Variants in ATP8A2 observed in about 807,000 individuals in gnomAD.
The protein encoded by ATP8A2 is ATPase phospholipid transporting 8A2.
ATP8A2 carries 100 observed loss-of-function variants against 165.6 expected under a neutral mutation model. The ratio of observed to expected loss-of-function variants is 0.60; its 90% confidence interval spans 0.51 to 0.71. The LOEUF (loss-of-function observed/expected upper bound fraction) is 0.71, where lower values mean the gene tolerates loss of function less well. Ranked by LOEUF, ATP8A2 falls within the 30% of genes least tolerant of loss-of-function variation. The pLI is 0.00. For missense variants in ATP8A2, 1,227 were observed against 1,479.5 expected (o/e 0.83, Z 2.80); for synonymous variants, 543 against 548.8 (o/e 0.99, Z 0.15).
intron 21 of ATP8A2, among the ~76,000 whole-genome samples, chr13:25,579,513 A>T (rs919289790): frequency 6.6e-6 from 1 of 152,082 alleles, no homozygotes. Context: ...CTGCTTGCTG[A>T]AACCTGTTTA....
At chr13:25,719,533 A>G (rs903194416) in intron 25 of ATP8A2, among the ~76,000 whole-genome samples, 11 of 152,154 alleles carry the variant, frequency 7.2e-5, no homozygotes, top group African/African-American at 2.7e-4. Flanking sequence ...ACTTGCAGCA[A>G]GCATTCCCAG....
chr13:25,678,499 A>G (rs974184672), intron 24 of ATP8A2, among the ~76,000 whole-genome samples: 5 of 150,670 alleles, frequency 3.3e-5, no homozygotes, highest in Admixed American at 1.3e-4. Context: ...ACTTTTCAAT[A>G]GTGCTGCCTG....
At chr13:25,393,365 A>T (rs2033314481) in intron 1 of ATP8A2, among the ~76,000 whole-genome samples, 2 of 151,972 alleles carry the variant, frequency 1.3e-5, no homozygotes, top group South Asian at 4.1e-4. Context: ...CTCCTGGCTA[A>T]GTACTGGGAT....
At chr13:25,817,688 T>C (rs1348418822) in intron 27 of ATP8A2, among the ~76,000 whole-genome samples, 1 of 152,130 alleles carries the variant, frequency 6.6e-6, no homozygotes, top group Non-Finnish European at 1.5e-5. Context: ...TCTTTTTCTT[T>C]TTTTTTGTTT....
intron 24 of ATP8A2, among the ~76,000 whole-genome samples, chr13:25,645,375 A>G (rs557967500): frequency 7.2e-5 from 11 of 152,324 alleles, no homozygotes; most frequent in African/African-American, 2.6e-4. Flanking sequence ...GGGAGATACA[A>G]TTCAAGATGA....
At chr13:25,543,837 A>G (rs1395754789) in intron 10 of ATP8A2, among the ~76,000 whole-genome samples, 1 of 152,246 alleles carries the variant, frequency 6.6e-6, no homozygotes, top group Non-Finnish European at 1.5e-5. Context: ...GAAAAAAATG[A>G]AGTTAAAATG....
chr13:25,976,788 GT>G (rs142892289), intron 35 of ATP8A2, among the ~76,000 whole-genome samples: 3,160 of 151,890 alleles, frequency 0.021, 119 homozygotes, highest in African/African-American at 0.072. Flanking sequence ...CATTTTGTTT[GT>G]TTGTTTGTTT....
intron 1 of ATP8A2, among the ~76,000 whole-genome samples, chr13:25,467,718 A>AT (rs1407019441): frequency 6.6e-6 from 1 of 151,928 alleles, no homozygotes; most frequent in African/African-American, 2.4e-5. Flanking sequence ...TGCCCGGCTA[A>AT]TTTTTTGTAT....
At chr13:25,937,717 C>T (rs527268793) in intron 33 of ATP8A2, among the ~76,000 whole-genome samples, 1 of 151,560 alleles carries the variant, frequency 6.6e-6, no homozygotes, top group Non-Finnish European at 1.5e-5. Context: ...GGCATGGTGG[C>T]AGGCGCCTGT....
At position 25,902,761 on chromosome 13, in the gene ATP8A2, G is replaced by A. The variant is rs550958686; in HGVS notation, c.3183+40353G>A. 2.6e-4 allele frequency among the ~76,000 whole-genome samples: 39 copies of A among 152,030 alleles called. 1 individual carries two copies. Among genetic ancestry groups the A allele is most frequent in the Admixed American group, 2.2e-3 (34 of 15,276 alleles). On this transcript the variant is annotated intron_variant, in intron 33 of 36. Coordinates refer to ENST00000381655, the MANE Select transcript of ATP8A2 (RefSeq NM_016529.6). The stretch of plus-strand genomic sequence containing the variant: ...CTGCACGTTCCTGTGCTTTCAACCC[G>A]TCTTATAGTGACCCCAATTCTATGT...
chr13:25,768,087 T>TGGGGGGGGGG (rs1566118778), intron 25 of ATP8A2, among the ~76,000 whole-genome samples: 1 of 32,426 alleles, frequency 3.1e-5, no homozygotes, highest in Non-Finnish European at 6.4e-5. Context: ...GGGGGGGGGG[T>TGGGGGGGGGG]GGTGGGGGGG....
At chr13:25,650,945 T>C (rs2137628199) in intron 24 of ATP8A2, among the ~76,000 whole-genome samples, 1 of 152,308 alleles carries the variant, frequency 6.6e-6, no homozygotes, top group South Asian at 2.1e-4. Context: ...GCCTATAGTG[T>C]TCATTTTTCT....
At chr13:25,458,502 G>A (rs1387403530) in intron 1 of ATP8A2, among the ~76,000 whole-genome samples, 1 of 152,164 alleles carries the variant, frequency 6.6e-6, no homozygotes, top group Non-Finnish European at 1.5e-5. Context: ...AGGTGCACTC[G>A]CCATGCCCTG....
intron 25 of ATP8A2, among the ~76,000 whole-genome samples, chr13:25,720,662 C>T (rs1040781238): frequency 3.9e-5 from 6 of 152,198 alleles, no homozygotes; most frequent in Admixed American, 6.5e-5. Flanking sequence ...TCATCGTGCC[C>T]ACCCCTCAGG....
In ATP8A2 at chr13:26,020,052, T is replaced by G; in HGVS notation, c.*67T>G. On this transcript the variant is annotated 3_prime_UTR_variant, in exon 37 of 37. Coordinates refer to ENST00000381655, the MANE Select transcript of ATP8A2 (RefSeq NM_016529.6). ...TTGTTGCACCCAGTGTTAACACATC[T>G]TTGTCAGAGAAGACTGGCGTCAGCA... 2.5e-6 allele frequency: 3 copies of G among 1,179,976 alleles called. No individual in the cohort carries two copies. Among genetic ancestry groups the G allele is most frequent in the Non-Finnish European group, 3.8e-6 (3 of 794,450 alleles). The allele number at this position is 1,179,976 out of a possible 1,614,324, so 73.1% of individuals were successfully genotyped here.
intron 2 of ATP8A2, among the ~76,000 whole-genome samples, chr13:25,483,015 C>T (rs975392484): frequency 4.6e-5 from 7 of 152,188 alleles, no homozygotes; most frequent in South Asian, 4.1e-4. Context: ...CTACTGGAGA[C>T]GGGCTGCTAT....
At position 26,020,002 on chromosome 13, in the gene ATP8A2, A is replaced by G. The variant is rs1357131846; in HGVS notation, c.*17A>G. 1.9e-6 allele frequency: 3 copies of G among 1,562,852 alleles called. No homozygotes were observed. The highest frequency in any genetic ancestry group is 2.2e-5 in the South Asian group (2 of 90,006). On this transcript the variant is annotated 3_prime_UTR_variant, in exon 37 of 37. Coordinates refer to ENST00000381655, the MANE Select transcript of ATP8A2 (RefSeq NM_016529.6). ...AAGAAATAAGACATGAATTTTCCTG[A>G]CTGATCTTAGGAAAGAGATTCAGTT...
intron 2 of ATP8A2, 100 bp downstream of exon 2, chr13:25,469,221 C>G: frequency 1.4e-6 from 2 of 1,417,816 alleles, no homozygotes; most frequent in Non-Finnish European, 1.9e-6. Context: ...TGGCCGGCCC[C>G]CGTCCATCTC....
rs193116489 is a variant in ATP8A2, at chr13:25,537,958, G to A, written c.508-30G>A. On this transcript the variant is annotated intron_variant, in intron 6 of 36. Coordinates refer to ENST00000381655, the MANE Select transcript of ATP8A2 (RefSeq NM_016529.6). ...GTGTGTTTTGTTTCTTTTCTTTCGT[G>A]CCCCTCTGTCCTCATCCCTGTCTCT... is the stretch of plus-strand genomic sequence containing the variant. The A allele has an allele frequency of 4.6e-5, 69 of 1,498,184 alleles. 1 individual carries two copies. In the East Asian group the frequency reaches 1.4e-3, roughly 30 times the overall value. The allele number at this position is 1,498,184 out of a possible 1,614,324, so 92.8% of individuals were successfully genotyped here.
Sources: gnomAD v4.1 joint callset for allele counts (sites outside exome capture counted in the v4.1 genomes callset) on GRCh38, gnomAD v4.1.1 for gene constraint, MANE v1.5 for transcripts, NCBI Gene and HGNC (gene_info 2026-07-23, HGNC 2026-07-21) for gene names.